NAA30: variants seen among roughly 807,000 people sequenced by gnomAD.
The protein encoded by NAA30 is N-alpha-acetyltransferase 30, NatC catalytic subunit, also known as N-alpha-acetyltransferase 30.
Under a neutral mutation model 31.4 loss-of-function variants are expected in NAA30, and 5 were observed. The ratio of observed to expected loss-of-function variants is 0.16; its 90% confidence interval spans 0.08 to 0.33. NAA30 has a LOEUF of 0.33. Among genes scored for constraint, NAA30 ranks in the 10% least tolerant of loss-of-function variants. The pLI, the probability that NAA30 is intolerant of heterozygous loss-of-function variation, is 1.00. For synonymous variants in NAA30, 222 were observed against 207.1 expected (o/e 1.07, Z -0.62); for missense variants, 428 against 490.8 (o/e 0.87, Z 1.21).
At position 57,391,371 on chromosome 14, in the gene NAA30, C is replaced by T. The variant is rs1481539958; in HGVS notation, c.414C>T (p.Pro138=). The change falls in exon 2 of 5, where the codon CCC becomes CCT. Residue 138 remains proline (P), a synonymous_variant. Coordinates refer to ENST00000556492, the MANE Select transcript of NAA30 (RefSeq NM_001011713.3). The surrounding 1 kb of genome is among the most constrained non-coding windows in gnomAD (Gnocchi z 4.1). ...CCGGGGTACACTCGGGCGAGAGGCC[C>T]CCTCACTCCCTCTCTAGTAATGCAA... ...KGAGVHSGER[P]PHSLSSNART... is the part of the protein sequence containing the mutation. 1.2e-6 allele frequency: 2 copies of T among 1,610,772 alleles called. No individual in the cohort carries two copies. Among genetic ancestry groups the T allele is most frequent in the Non-Finnish European group, 1.7e-6 (2 of 1,179,068 alleles).
At position 57,415,213 on chromosome 14, in the gene NAA30, A is replaced by G. The variant is rs962830877; in HGVS notation, c.*5697A>G. ...ATTGGATGTGTTACATAGTAAATCA[A>G]TTTGAAATTTCTTAAAAACGTTTAT... On this transcript the variant is annotated 3_prime_UTR_variant, in exon 5 of 5. Coordinates refer to ENST00000556492, the MANE Select transcript of NAA30 (RefSeq NM_001011713.3). 1 of 152,232 alleles carries G rather than the reference A, an allele frequency of 6.6e-6. No individual in the cohort carries two copies. The highest frequency in any genetic ancestry group is 1.5e-5 in the Non-Finnish European group (1 of 68,032). The allele number at this position is 152,232 out of a possible 1,614,324, so 9.4% of individuals were successfully genotyped here.
At chr14:57,394,239 T>C (rs929185206) in intron 2 of NAA30, among the ~76,000 whole-genome samples, 2 of 152,148 alleles carry the variant, frequency 1.3e-5, no homozygotes, top group African/African-American at 4.8e-5. Context: ...TTAAACTTAC[T>C]CTCAGCAAAT....
At position 57,390,614 on chromosome 14, in the gene NAA30, G is replaced by T. The variant is rs1174616013; in HGVS notation, c.-93G>T. ...GCGACGGCGGCTGAGTGAGAACCTTGGCGGCTGTGGAGGCTGCCGCGGCTG... is the reference window on the plus strand; with the variant it reads ...GCGACGGCGGCTGAGTGAGAACCTTTGCGGCTGTGGAGGCTGCCGCGGCTG... On this transcript the variant is annotated 5_prime_UTR_variant, in exon 1 of 5. Transcript: ENST00000556492. The T allele has an allele frequency of 6.3e-6, 2 of 319,778 alleles. No homozygotes were observed. The highest frequency in any genetic ancestry group is 1.1e-5 in the Non-Finnish European group (2 of 175,890). The allele number at this position is 319,778 out of a possible 1,614,324, so 19.8% of individuals were successfully genotyped here. A position where few individuals can be genotyped will look rare whatever the true frequency, so the allele number is the denominator to read the frequency against.
At chr14:57,402,115 A>G (rs1033894293) in intron 4 of NAA30, among the ~76,000 whole-genome samples, 2 of 152,206 alleles carry the variant, frequency 1.3e-5, no homozygotes, top group Admixed American at 1.3e-4. Context: ...ATAATTTGCC[A>G]TACGAACTCT....
rs975423412 is a variant in NAA30, at chr14:57,414,700, A to G, written c.*5184A>G. The stretch of plus-strand genomic sequence containing the variant: ...TTTCTGCCTTCCATCACCGCAGTGT[A>G]TTACCTTTGACCCTCGCTGGTCATC... On this transcript the variant is annotated 3_prime_UTR_variant, in exon 5 of 5. Coordinates refer to ENST00000556492, the MANE Select transcript of NAA30 (RefSeq NM_001011713.3). 1 of 152,192 alleles carries G rather than the reference A, an allele frequency of 6.6e-6. No homozygotes were observed. The highest frequency in any genetic ancestry group is 2.4e-5 in the African/African-American group (1 of 41,446). The allele number at this position is 152,192 out of a possible 1,614,324, so 9.4% of individuals were successfully genotyped here. A position where few individuals can be genotyped will look rare whatever the true frequency, so the allele number is the denominator to read the frequency against.
Position 57,411,142 on chromosome 14 carries a change from A to G in NAA30, c.*1626A>G, listed in dbSNP as rs2139768323. ...GAACATAGTAACAAATACTTTAAAAATAAAGATACACAATTTATATTTGAA... is the reference window on the plus strand; with the variant it reads ...GAACATAGTAACAAATACTTTAAAAGTAAAGATACACAATTTATATTTGAA... On this transcript the variant is annotated 3_prime_UTR_variant, in exon 5 of 5. Transcript: ENST00000556492. The G allele has an allele frequency of 6.6e-6, 1 of 152,510 alleles. No homozygotes were observed. The highest frequency in any genetic ancestry group is 3.4e-3 in the Middle Eastern group (1 of 294). The allele number at this position is 152,510 out of a possible 1,614,324, so 9.4% of individuals were successfully genotyped here. A position where few individuals can be genotyped will look rare whatever the true frequency, so the allele number is the denominator to read the frequency against.
At position 57,413,217 on chromosome 14, in the gene NAA30, A is replaced by C. The variant is rs531582481; in HGVS notation, c.*3701A>C. 3 of 152,164 alleles carry C rather than the reference A, an allele frequency of 2.0e-5. No homozygotes were observed. The South Asian group carries it at 6.2e-4, about 32-fold the overall frequency. 9.4% of individuals were successfully genotyped at this position (152,164 alleles called of 1,614,324 possible). A position where few individuals can be genotyped will look rare whatever the true frequency, so the allele number is the denominator to read the frequency against. The stretch of plus-strand genomic sequence containing the variant: ...TGTGAGGAGCTTTAAATAGCTGTGA[A>C]TACTTCTGTATGTCAAGATTTTCGG... On this transcript the variant is annotated 3_prime_UTR_variant, in exon 5 of 5. Coordinates refer to ENST00000556492, the MANE Select transcript of NAA30 (RefSeq NM_001011713.3).
At chr14:57,399,495 G>A (rs557672261) in intron 3 of NAA30, among the ~76,000 whole-genome samples, 153 of 152,242 alleles carry the variant, frequency 1.0e-3, no homozygotes, top group African/African-American at 3.4e-3. Flanking sequence ...GCGTTGTTCT[G>A]GCCATACCAT....
Position 57,409,644 on chromosome 14 carries a change from T to C in NAA30, c.*128T>C, listed in dbSNP as rs966001638. 19 of 833,208 alleles carry C rather than the reference T, an allele frequency of 2.3e-5. No individual in the cohort carries two copies. Among genetic ancestry groups the C allele is most frequent in the African/African-American group, 6.9e-5 (4 of 57,582 alleles). 51.6% of individuals were successfully genotyped at this position (833,208 alleles called of 1,614,324 possible). A position where few individuals can be genotyped will look rare whatever the true frequency, so the allele number is the denominator to read the frequency against. On this transcript the variant is annotated 3_prime_UTR_variant, in exon 5 of 5. Coordinates refer to ENST00000556492, the MANE Select transcript of NAA30 (RefSeq NM_001011713.3). Reference sequence around the variant, plus strand: ...GCAGCTCTTACCTGTCAGTGTCTCATTGAGTGTCGCACAATATTTGTTGCA... The same window carrying C: ...GCAGCTCTTACCTGTCAGTGTCTCACTGAGTGTCGCACAATATTTGTTGCA...
rs746042677 is a variant in NAA30, at chr14:57,413,429, A to G, written c.*3913A>G. 1.3e-5 allele frequency: 2 copies of G among 152,252 alleles called. No homozygotes were observed. Among genetic ancestry groups the G allele is most frequent in the Non-Finnish European group, 2.9e-5 (2 of 68,040 alleles). The allele number at this position is 152,252 out of a possible 1,614,324, so 9.4% of individuals were successfully genotyped here. On this transcript the variant is annotated 3_prime_UTR_variant, in exon 5 of 5. Coordinates refer to ENST00000556492, the MANE Select transcript of NAA30 (RefSeq NM_001011713.3). Reference sequence around the variant, plus strand: ...TCACTCTAAGGTCTAAATAAGAACCAGAAGGTTGATACCATTTTTTCACAC... The same window carrying G: ...TCACTCTAAGGTCTAAATAAGAACCGGAAGGTTGATACCATTTTTTCACAC...
chr14:57,399,859 C>A lies in NAA30; in HGVS notation c.927C>A (p.Ala309=). The part of the protein sequence containing the change: ...GTNLVKKAIY[A]MVEGDCDEVV... Reference sequence around the variant, plus strand: ...ACTTGGTTAAGAAAGCTATATATGCCATGGTTGAGGGAGACTGTGATGAGG... The same window carrying A: ...ACTTGGTTAAGAAAGCTATATATGCAATGGTTGAGGGAGACTGTGATGAGG... Residue 309 remains alanine, a synonymous_variant, in exon 4 of 5, where the codon GCC becomes GCA. Transcript: ENST00000556492. 3 of 1,545,252 alleles carry A rather than the reference C, an allele frequency of 1.9e-6. No individual in the cohort carries two copies. The highest frequency in any genetic ancestry group is 1.8e-6 in the Non-Finnish European group (2 of 1,120,256).
At chr14:57,403,990 T>G (rs1339471002) in intron 4 of NAA30, among the ~76,000 whole-genome samples, 1 of 152,138 alleles carries the variant, frequency 6.6e-6, no homozygotes, top group Non-Finnish European at 1.5e-5. Context: ...ACTTCAAGGT[T>G]GTTTTTGTTT....
At chr14:57,390,891 C>T (rs938004125) in intron 1 of NAA30, 66 bp from the exon 2 acceptor site, 22 of 1,438,444 alleles carry the variant, frequency 1.5e-5, no homozygotes, top group Non-Finnish European at 1.8e-5. Context: ...CCATCCGTCG[C>T]CCCCTGTTCT....
In NAA30 at chr14:57,391,740, G is replaced by T. The variant is rs1297296722; in HGVS notation, c.771+12G>T. On this transcript the variant is annotated intron_variant, in intron 2 of 4. Transcript: ENST00000556492. This position sits in a 1 kb window ranked among gnomAD's most constrained non-coding sequence, Gnocchi z 4.1. ...AGCTGTGCTTCTTGGTAAGTGGATA[G>T]AATAAAAAGAGGGTGAACCCAGCAG... 2 of 1,584,842 alleles carry T rather than the reference G, an allele frequency of 1.3e-6. No individual in the cohort carries two copies. Among genetic ancestry groups the T allele is most frequent in the Non-Finnish European group, 1.7e-6 (2 of 1,164,394 alleles).
At chr14:57,392,644 T>C (rs1317923178) in intron 2 of NAA30, among the ~76,000 whole-genome samples, 2 of 152,224 alleles carry the variant, frequency 1.3e-5, no homozygotes, top group Non-Finnish European at 2.9e-5. Context: ...ATGCTTTGTA[T>C]CATGTGCTCA....
At chr14:57,397,494 A>C (rs1207343695) in intron 3 of NAA30, among the ~76,000 whole-genome samples, 1 of 152,114 alleles carries the variant, frequency 6.6e-6, no homozygotes, top group Non-Finnish European at 1.5e-5. Context: ...TGGGCCCCTC[A>C]CCCTGAGACT....
intron 4 of NAA30, among the ~76,000 whole-genome samples, chr14:57,406,692 G>C (rs114673085): frequency 0.014 from 2,088 of 152,220 alleles, 47 homozygotes; most frequent in African/African-American, 0.047. Flanking sequence ...GAGTTGTTGT[G>C]ACTTTAGTGT....
chr14:57,409,523 G>A lies in NAA30; in HGVS notation c.*7G>A. On this transcript the variant is annotated 3_prime_UTR_variant, in exon 5 of 5. Transcript: ENST00000556492. ...TAAACTGTGGCTGCGTTGAGAAACT[G>A]ACATCAAGGAACAACTATCATCCGC... is the stretch of plus-strand genomic sequence containing the variant. The A allele has an allele frequency of 6.3e-7, 1 of 1,593,654 alleles. No homozygotes were observed. Among genetic ancestry groups the A allele is most frequent in the South Asian group, 1.2e-5 (1 of 86,388 alleles).
At chr14:57,402,885 A>G (rs1343379449) in intron 4 of NAA30, among the ~76,000 whole-genome samples, 1 of 152,218 alleles carries the variant, frequency 6.6e-6, no homozygotes, top group Non-Finnish European at 1.5e-5. Flanking sequence ...GAACCTTTTA[A>G]TAGAGGTACA....
Sources: allele counts gnomAD v4.1 joint callset (sites outside exome capture counted in the v4.1 genomes callset), GRCh38; gene constraint gnomAD v4.1.1; non-coding constraint Gnocchi (gnomAD v3.1); transcripts MANE v1.5; gene names NCBI Gene and HGNC (gene_info 2026-07-23, HGNC 2026-07-21).